Variants in HSD17B4 observed in about 807,000 individuals in gnomAD.
The protein encoded by HSD17B4 is hydroxysteroid 17-beta dehydrogenase 4, also known as peroxisomal multifunctional enzyme type 2.
In HSD17B4, 70 loss-of-function variants were observed where a neutral mutation model predicts 101.0. The observed-to-expected ratio is 0.69, with a 90% CI of 0.57 to 0.85. The LOEUF (loss-of-function observed/expected upper bound fraction) is 0.85, where lower values mean the gene tolerates loss of function less well. Ranked by LOEUF, HSD17B4 falls within the 40% of genes least tolerant of loss-of-function variation. The pLI is 0.00. For synonymous variants in HSD17B4, 347 were observed against 297.1 expected, an observed-to-expected ratio of 1.17 and a Z score of -1.73; for missense variants, 984 against 892.4, an observed-to-expected ratio of 1.10 and a Z score of -1.31.
intron 19 of HSD17B4, among the ~76,000 whole-genome samples, chr5:119,526,868 T>C (rs548745643): frequency 5.3e-4 from 80 of 152,116 alleles, no homozygotes; most frequent in Non-Finnish European, 7.4e-4. Context: ...ATGATTATGG[T>C]TTTATTTCTT....
rs1749288753 is a variant in HSD17B4 at position 119,483,054 on chromosome 5, A to T, written c.622+4033A>T. Among the ~76,000 whole-genome samples, 5 of 152,118 alleles carry T rather than the reference A, an allele frequency of 3.3e-5. No individual in the cohort carries two copies. In the South Asian group the frequency reaches 1.0e-3, roughly 32 times the overall value. ...TTAAGTAGAACAGAATACTCTGGGC[A>T]TATTTCAAAATGGTTTCTTCCCCCT... On this transcript the variant is annotated intron_variant, in intron 8 of 23. Transcript: ENST00000510025.
At chr5:119,454,899 G>T (rs944077249) in intron 1 of HSD17B4, among the ~76,000 whole-genome samples, 1 of 152,132 alleles carries the variant, frequency 6.6e-6, no homozygotes, top group African/African-American at 2.4e-5. Context: ...TGGGATTACA[G>T]ATGTGTGTCA....
chr5:119,483,110 T>C (rs1431086686), intron 8 of HSD17B4, among the ~76,000 whole-genome samples: 1 of 152,118 alleles, frequency 6.6e-6, no homozygotes, highest in Non-Finnish European at 1.5e-5. Context: ...GGGATTTTTC[T>C]CTGATCTTCA....
chr5:119,471,152 G>C (rs896290089), intron 2 of HSD17B4, among the ~76,000 whole-genome samples: 1 of 152,102 alleles, frequency 6.6e-6, no homozygotes, highest in African/African-American at 2.4e-5. Flanking sequence ...ACTGTTAACT[G>C]TCTTAAAATC....
At chr5:119,485,107 G>C (rs1387104109) in intron 8 of HSD17B4, among the ~76,000 whole-genome samples, 1 of 151,966 alleles carries the variant, frequency 6.6e-6, no homozygotes, top group Non-Finnish European at 1.5e-5. Flanking sequence ...ATCTAACTTT[G>C]TACCTTCTTT....
intron 22 of HSD17B4, among the ~76,000 whole-genome samples, chr5:119,532,115 A>G (rs184421609): frequency 3.6e-4 from 55 of 152,294 alleles, no homozygotes; most frequent in African/African-American, 1.3e-3. Context: ...TCACATCCTT[A>G]ATCATGGCAC....
At chr5:119,526,349 A>G (rs1449175826) in intron 19 of HSD17B4, among the ~76,000 whole-genome samples, 1 of 151,476 alleles carries the variant, frequency 6.6e-6, no homozygotes, top group Non-Finnish European at 1.5e-5. Flanking sequence ...CTGTTTTATC[A>G]TTTTCATTAA....
At chr5:119,496,959 T>G (rs1282065102) in intron 12 of HSD17B4, among the ~76,000 whole-genome samples, 1 of 152,204 alleles carries the variant, frequency 6.6e-6, no homozygotes, top group Non-Finnish European at 1.5e-5. Context: ...ATTTGTCTTT[T>G]TAGTTTCTCC....
At chr5:119,520,597 A>G (rs1753031219) in intron 17 of HSD17B4, among the ~76,000 whole-genome samples, 1 of 152,086 alleles carries the variant, frequency 6.6e-6, no homozygotes, top group Non-Finnish European at 1.5e-5. Context: ...CAATTGTAGA[A>G]CTCATCTTGT....
chr5:119,529,894 G>A lies in HSD17B4; in HGVS notation c.1768G>A (p.Val590Ile). The A allele has an allele frequency of 1.3e-6, 2 of 1,580,400 alleles. No individual in the cohort carries two copies. The highest frequency in any genetic ancestry group is 2.2e-5 in the East Asian group (1 of 44,644). Residue 590 changes from valine to isoleucine, a missense_variant and splice_region_variant, in exon 21 of 24, where the codon GTC becomes ATC. Coordinates refer to ENST00000510025, the MANE Select transcript of HSD17B4 (RefSeq NM_000414.4). ...CTTTTTTTTTTCTTCTCCTCCTAAGGTCCAAGAAACTGGAGACATTGTCAT... is the reference window on the plus strand; with the variant it reads ...CTTTTTTTTTTCTTCTCCTCCTAAGATCCAAGAAACTGGAGACATTGTCAT... ...EGNRIHFQTKVQETGDIVISN... is the reference protein window; with the variant it reads ...EGNRIHFQTKIQETGDIVISN...
intron 2 of HSD17B4, chr5:119,464,503 C>A (rs1755607743): frequency 6.6e-6 from 1 of 152,122 alleles, no homozygotes; most frequent in Non-Finnish European, 1.5e-5. Flanking sequence ...GTTTTAAATG[C>A]ATGGATTTAT....
intron 14 of HSD17B4, among the ~76,000 whole-genome samples, chr5:119,504,071 G>T (rs181455589): frequency 3.9e-4 from 60 of 152,296 alleles, no homozygotes; most frequent in Middle Eastern, 3.4e-3. Flanking sequence ...TTAGGATAAT[G>T]ACGTCCAACT....
intron 8 of HSD17B4, among the ~76,000 whole-genome samples, chr5:119,485,988 A>G (rs958386321): frequency 6.6e-6 from 1 of 152,164 alleles, no homozygotes; most frequent in African/African-American, 2.4e-5. Flanking sequence ...CACTGAAGTC[A>G]TTTGAAAGCT....
At position 119,478,906 on chromosome 5, in the gene HSD17B4, G is replaced by A. The variant is rs746404368; in HGVS notation, c.507G>A (p.Leu169=). 1.2e-6 allele frequency: 2 copies of A among 1,613,696 alleles called. No individual in the cohort carries two copies. Among genetic ancestry groups the A allele is most frequent in the Non-Finnish European group, 8.5e-7 (1 of 1,179,694 alleles). Residue 169 remains leucine, a synonymous_variant, in exon 8 of 24, where the codon TTG becomes TTA. Coordinates refer to ENST00000510025, the MANE Select transcript of HSD17B4 (RefSeq NM_000414.4). ...FGQANYSAAK[L]GLLGLANSLA... ...AGGCCAATTATAGTGCTGCAAAGTTGGGTCTTCTGGGCCTTGCAAATTCTC... is the reference window on the plus strand; with the variant it reads ...AGGCCAATTATAGTGCTGCAAAGTTAGGTCTTCTGGGCCTTGCAAATTCTC...
rs565322136 is a variant in HSD17B4 at position 119,470,766 on chromosome 5, C to T, written c.113-3142C>T. Among the ~76,000 whole-genome samples the T allele has an allele frequency of 5.3e-5, 8 of 152,280 alleles. No individual in the cohort carries two copies. The South Asian group carries it at 1.2e-3, about 24-fold the overall frequency. On this transcript the variant is annotated intron_variant, in intron 2 of 23. Coordinates refer to ENST00000510025, the MANE Select transcript of HSD17B4 (RefSeq NM_000414.4). ...TATTTGTTGTTTTGATTCTTCTCTG[C>T]GGAGGAGACAAGGATTGGGCACCTC...
At chr5:119,481,503 A>G (rs1192693164) in intron 8 of HSD17B4, among the ~76,000 whole-genome samples, 1 of 152,192 alleles carries the variant, frequency 6.6e-6, no homozygotes, top group South Asian at 2.1e-4. Flanking sequence ...GATCACCACA[A>G]TAAAGCTAAG....
chr5:119,494,382 TTTC>T (rs1750437299), intron 11 of HSD17B4, among the ~76,000 whole-genome samples: 1 of 148,836 alleles, frequency 6.7e-6, no homozygotes, highest in Non-Finnish European at 1.5e-5. Flanking sequence ...TCTTTCTTTC[TTTC>T]TTTCTCAAAA....
In HSD17B4 at chr5:119,475,431, T is replaced by C. The variant is rs184107849; in HGVS notation, c.281-275T>C. Reference sequence around the variant, plus strand: ...ACCTAAGAGTTGTAAAATGGCTAATTCTATAATTAAGTGGATAGAATTTTG... The same window carrying C: ...ACCTAAGAGTTGTAAAATGGCTAATCCTATAATTAAGTGGATAGAATTTTG... On this transcript the variant is annotated intron_variant, in intron 4 of 23. Transcript: ENST00000510025. 2.8e-3 allele frequency among the ~76,000 whole-genome samples: 422 copies of C among 152,228 alleles called. 3 individuals carry two copies. Among genetic ancestry groups the C allele is most frequent in the Non-Finnish European group, 3.7e-3 (253 of 67,958 alleles).
chr5:119,509,330 C>T lies in HSD17B4; in HGVS notation c.1437+86C>T, dbSNP rs1486936908. Reference sequence around the variant, plus strand: ...GAGACTTGAACAGCATGAGTTTGAACTGCATGAGCCCACTTATAGGCAAAT... The same window carrying T: ...GAGACTTGAACAGCATGAGTTTGAATTGCATGAGCCCACTTATAGGCAAAT... On this transcript the variant is annotated intron_variant, in intron 16 of 23. Coordinates refer to ENST00000510025, the MANE Select transcript of HSD17B4 (RefSeq NM_000414.4). 3.4e-6 allele frequency: 3 copies of T among 884,796 alleles called. No homozygotes were observed. In the Admixed American group the frequency reaches 5.1e-5, roughly 15 times the overall value. The allele number at this position is 884,796 out of a possible 1,614,324, so 54.8% of individuals were successfully genotyped here.
Sources: gnomAD v4.1 joint callset for allele counts (sites outside exome capture counted in the v4.1 genomes callset) on GRCh38, gnomAD v4.1.1 for gene constraint, MANE v1.5 for transcripts, NCBI Gene and HGNC (gene_info 2026-07-23, HGNC 2026-07-21) for gene names.